PAK2: variants seen among roughly 807,000 people sequenced by gnomAD.
PAK2 encodes the protein serine/threonine-protein kinase PAK 2.
PAK2 carries 21 observed loss-of-function variants against 65.9 expected under a neutral mutation model. The ratio of observed to expected loss-of-function variants is 0.32; its 90% CI spans 0.23 to 0.46. The LOEUF is 0.46. PAK2 is among the 20% of genes least tolerant of loss of function. The pLI is 1.00. For missense variants in PAK2, 324 were observed against 642.6 expected (o/e 0.50, Z 5.36); for synonymous variants, 204 against 219.7 (o/e 0.93, Z 0.63).
At chr3:196,761,421 C>T (rs1330844146) in intron 1 of PAK2, among the ~76,000 whole-genome samples, 82 of 70,062 alleles carry the variant, frequency 1.2e-3, no homozygotes, top group Non-Finnish European at 1.9e-3. Flanking sequence ...GCCCTTAATC[C>T]ATTTAACCCT....
chr3:196,810,531 T>C (rs1715740852), intron 7 of PAK2, 59 bp from the exon 8 acceptor site: 2 of 866,278 alleles, frequency 2.3e-6, no homozygotes, highest in South Asian at 1.4e-5. Flanking sequence ...AATAATAATA[T>C]CACAATCAAT....
Position 196,829,020 on chromosome 3 carries a change from T to C in PAK2, c.*615T>C, listed in dbSNP as rs1711976355. The C allele has an allele frequency of 6.5e-6, 1 of 152,702 alleles. No individual in the cohort carries two copies. Among genetic ancestry groups the C allele is most frequent in the Admixed American group, 6.5e-5 (1 of 15,276 alleles). 9.5% of individuals were successfully genotyped at this position (152,702 alleles called of 1,614,324 possible). On this transcript the variant is annotated 3_prime_UTR_variant, in exon 15 of 15. Transcript: ENST00000327134. ...TTGACCTGAAGGAAGGGAAGAAAAG[T>C]ATGTGATTTTTACCTTTTTTAACAA... is the stretch of plus-strand genomic sequence containing the variant.
chr3:196,814,365 G>A, intron 10 of PAK2, 86 bp from the exon 11 acceptor site: 1 of 632,274 alleles, frequency 1.6e-6, no homozygotes, highest in Non-Finnish European at 2.8e-6. Context: ...TTGTTAGGGT[G>A]TTTAATATTT....
At chr3:196,776,124 C>G (rs1714527275) in intron 1 of PAK2, among the ~76,000 whole-genome samples, 1 of 152,142 alleles carries the variant, frequency 6.6e-6, no homozygotes, top group Non-Finnish European at 1.5e-5. Flanking sequence ...ATTCTTAACA[C>G]ATTATTTGCT....
intron 13 of PAK2, among the ~76,000 whole-genome samples, chr3:196,823,011 G>A (rs1711704913): frequency 6.6e-6 from 1 of 152,152 alleles, no homozygotes; most frequent in Non-Finnish European, 1.5e-5. Flanking sequence ...GCTTTTACTG[G>A]AGGCCAAATG....
At chr3:196,740,504 C>T (rs1001242174) in intron 1 of PAK2, among the ~76,000 whole-genome samples, 1 of 152,286 alleles carries the variant, frequency 6.6e-6, no homozygotes, top group Admixed American at 6.5e-5. Context: ...TCCTTTGCTC[C>T]GTTTTCTTAA....
At chr3:196,750,016 C>T (rs1470091633) in intron 1 of PAK2, among the ~76,000 whole-genome samples, 1 of 137,690 alleles carries the variant, frequency 7.3e-6, no homozygotes, top group East Asian at 2.0e-4. Context: ...AACAGAGTTT[C>T]GCTCTTGTCG....
chr3:196,743,103 G>GA (rs11436369), intron 1 of PAK2, among the ~76,000 whole-genome samples: 10,932 of 151,876 alleles, frequency 0.072, 623 homozygotes, highest in African/African-American at 0.16. Flanking sequence ...AATAGGAAAG[G>GA]AAAAAAATCC....
Position 196,829,134 on chromosome 3 carries a change from A to G in PAK2, c.*729A>G, listed in dbSNP as rs1276587792. ...GAGAAGACTAATAATCTCTATTTAT[A>G]ACTAAATCATTGAGATAGAAAAAGA... On this transcript the variant is annotated 3_prime_UTR_variant, in exon 15 of 15. Coordinates refer to ENST00000327134, the MANE Select transcript of PAK2 (RefSeq NM_002577.4). The G allele has an allele frequency of 6.6e-6, 1 of 152,662 alleles. No individual in the cohort carries two copies. The highest frequency in any genetic ancestry group is 1.5e-5 in the Non-Finnish European group (1 of 68,046). 9.5% of individuals were successfully genotyped at this position (152,662 alleles called of 1,614,324 possible). A position where few individuals can be genotyped will look rare whatever the true frequency, so the allele number is the denominator to read the frequency against.
chr3:196,821,958 G>A (rs60873182), intron 13 of PAK2, among the ~76,000 whole-genome samples: 15,648 of 152,194 alleles, frequency 0.1, 1,572 homozygotes, highest in African/African-American at 0.26. Flanking sequence ...AGAAAGGAAG[G>A]AAGTGCCAAT....
chr3:196,756,613 G>A (rs955496981), intron 1 of PAK2, among the ~76,000 whole-genome samples: 2 of 152,172 alleles, frequency 1.3e-5, no homozygotes, highest in African/African-American at 4.8e-5. Context: ...CGAGCTGGGA[G>A]GATCACAAGG....
chr3:196,790,726 T>C (rs139515874), intron 2 of PAK2, among the ~76,000 whole-genome samples: 62 of 152,298 alleles, frequency 4.1e-4, no homozygotes, highest in African/African-American at 1.4e-3. Flanking sequence ...GAGAGTGCTG[T>C]AAAGCGTTGC....
chr3:196,793,043 C>T (rs1715124655), intron 2 of PAK2, among the ~76,000 whole-genome samples: 1 of 152,048 alleles, frequency 6.6e-6, no homozygotes, highest in African/African-American at 2.4e-5. Flanking sequence ...GACACTGTGT[C>T]GGAGTGGGGG....
chr3:196,784,387 C>T (rs1437822390), intron 2 of PAK2, among the ~76,000 whole-genome samples: 1 of 103,062 alleles, frequency 9.7e-6, no homozygotes, highest in Admixed American at 1.0e-4. Context: ...TCCCCCCACC[C>T]CACCACAGTC....
intron 11 of PAK2, 52 bp from the exon 12 acceptor site, chr3:196,818,005 C>T: frequency 2.6e-6 from 2 of 773,668 alleles, no homozygotes; most frequent in Non-Finnish European, 4.7e-6. Flanking sequence ...CATGTGCCTC[C>T]CTGTGTCTTT....
chr3:196,831,255 A>G lies in PAK2; in HGVS notation c.*2850A>G, dbSNP rs1332450925. The G allele has an allele frequency of 1.3e-5, 2 of 152,174 alleles. No homozygotes were observed. The highest frequency in any genetic ancestry group is 4.8e-5 in the African/African-American group (2 of 41,442). The allele number at this position is 152,174 out of a possible 1,614,324, so 9.4% of individuals were successfully genotyped here. On this transcript the variant is annotated 3_prime_UTR_variant, in exon 15 of 15. Coordinates refer to ENST00000327134, the MANE Select transcript of PAK2 (RefSeq NM_002577.4). ...TCATCACTTTAGAATGAAAATTCCC[A>G]TTTAAATCTGAAAGTTACCTTAATA...
At chr3:196,793,849 CTGCTGGAGCGG>C (rs1269461634) in intron 2 of PAK2, among the ~76,000 whole-genome samples, 2 of 152,100 alleles carry the variant, frequency 1.3e-5, no homozygotes, top group African/African-American at 2.4e-5. Context: ...AAAATTCTCC[CTGCTGGAGCGG>C]TGGCTCACAC....
intron 1 of PAK2, among the ~76,000 whole-genome samples, chr3:196,769,700 C>T (rs951271528): frequency 1.3e-5 from 2 of 151,614 alleles, no homozygotes; most frequent in African/African-American, 4.9e-5. Context: ...GCCTGCAGTT[C>T]CAGCTACTGG....
chr3:196,810,803 A>T (rs904174541), intron 8 of PAK2, 150 bp downstream of exon 8: 1 of 554,694 alleles, frequency 1.8e-6, no homozygotes, highest in African/African-American at 1.9e-5. Flanking sequence ...TAAATAATGC[A>T]GTTATTTGTA....
Sources: gnomAD v4.1 joint callset for allele counts (sites outside exome capture counted in the v4.1 genomes callset) on GRCh38, gnomAD v4.1.1 for gene constraint, MANE v1.5 for transcripts, NCBI Gene and HGNC (gene_info 2026-07-23, HGNC 2026-07-21) for gene names.